The following EPB41L5 variants were observed in gnomAD, a reference collection of about 807,000 sequenced individuals.
EPB41L5 encodes the protein erythrocyte membrane protein band 4.1 like 5, also known as band 4.1-like protein 5.
Under a neutral mutation model 106.6 loss-of-function variants are expected in EPB41L5, and 55 were observed. That is an observed-to-expected ratio of 0.52 (90% CI 0.42 to 0.65). The LOEUF (loss-of-function observed/expected upper bound fraction) is 0.65. EPB41L5 is among the 30% of genes least tolerant of loss of function. EPB41L5 has a pLI of 0.00. For missense variants in EPB41L5, 871 were observed against 882.1 expected (o/e 0.99, Z 0.16); for synonymous variants, 297 against 306.7 (o/e 0.97, Z 0.33).
chr2:120,137,745 T>A (rs1246889798), intron 18 of EPB41L5, among the ~76,000 whole-genome samples: 2 of 152,088 alleles, frequency 1.3e-5, no homozygotes, highest in Non-Finnish European at 1.5e-5. Flanking sequence ...CAGGACCTGA[T>A]GGCTTCACTG....
intron 2 of EPB41L5, among the ~76,000 whole-genome samples, chr2:120,033,805 C>T (rs1678874243): frequency 6.6e-6 from 1 of 151,524 alleles, no homozygotes; most frequent in African/African-American, 2.4e-5. Flanking sequence ...ATAGATTGTG[C>T]ATTGTTGCCC....
At chr2:120,067,039 C>T (rs114353587) in intron 3 of EPB41L5, among the ~76,000 whole-genome samples, 5,579 of 152,166 alleles carry the variant, frequency 0.037, 193 homozygotes, top group South Asian at 0.07. Context: ...TGTTCCTATT[C>T]GGCCATCTTG....
At position 120,140,036 on chromosome 2, in the gene EPB41L5, A is replaced by G. The variant is rs1249671554; in HGVS notation, c.1600-2967A>G. 2.0e-5 allele frequency among the ~76,000 whole-genome samples: 3 copies of G among 152,046 alleles called. No individual in the cohort carries two copies. The East Asian group carries it at 5.8e-4, about 29-fold the overall frequency. On this transcript the variant is annotated intron_variant, in intron 18 of 24. Transcript: ENST00000263713. Reference sequence around the variant, plus strand: ...GCAACAACATGGATGGAACTGGAGGACACTATATTAAGAGAAGCCAGGCAC... The same window carrying G: ...GCAACAACATGGATGGAACTGGAGGGCACTATATTAAGAGAAGCCAGGCAC...
At chr2:120,115,580 C>CGGGGTTTCACCAT (rs1462835979) in intron 16 of EPB41L5, among the ~76,000 whole-genome samples, 2 of 151,596 alleles carry the variant, frequency 1.3e-5, no homozygotes, top group Non-Finnish European at 2.9e-5. Context: ...TTAGTAGAGA[C>CGGGGTTTCACCAT]GGGGTTTCAC....
chr2:120,158,287 A>G (rs1399087956), intron 20 of EPB41L5, among the ~76,000 whole-genome samples: 1 of 152,214 alleles, frequency 6.6e-6, no homozygotes, highest in Admixed American at 6.5e-5. Context: ...TGGCAATGAC[A>G]CAACAAAGAA....
intron 18 of EPB41L5, among the ~76,000 whole-genome samples, chr2:120,136,810 C>T (rs551285641): frequency 1.1e-4 from 16 of 152,046 alleles, no homozygotes; most frequent in Admixed American, 9.8e-4. Context: ...GGAGAATTCA[C>T]CCCACATTCA....
At chr2:120,089,642 G>A (rs1414750756) in intron 11 of EPB41L5, among the ~76,000 whole-genome samples, 1 of 151,694 alleles carries the variant, frequency 6.6e-6, no homozygotes. Flanking sequence ...GGACGTTTAG[G>A]GTTTGTACCA....
intron 20 of EPB41L5, among the ~76,000 whole-genome samples, chr2:120,147,211 A>C (rs1288011863): frequency 6.6e-6 from 1 of 152,194 alleles, no homozygotes; most frequent in East Asian, 1.9e-4. Flanking sequence ...TTAGCCGAGC[A>C]TGGTGATCCA....
In EPB41L5 at chr2:120,090,515, A is replaced by T. The variant is rs1558866077; in HGVS notation, c.1042A>T (p.Ser348Cys). 7 of 1,607,056 alleles carry T rather than the reference A, an allele frequency of 4.4e-6. No individual in the cohort carries two copies. The highest frequency in any genetic ancestry group is 5.1e-6 in the Non-Finnish European group (6 of 1,177,640). ...TCGACTAGGATCACGATTTAGATAT[A>T]GGTTAATTTTAATTGCTGTTTTATC... Reference protein sequence around the residue: ...FIRLGSRFRYSGKTEYQTTKT... With the variant: ...FIRLGSRFRYCGKTEYQTTKT... The change falls in exon 12 of 25, where the codon AGT becomes TGT. Residue 348 changes from serine (S) to cysteine (C), a missense_variant and splice_region_variant. By Grantham distance (112) the Ser-to-Cys change is moderately radical. Coordinates refer to ENST00000263713, the MANE Select transcript of EPB41L5 (RefSeq NM_020909.4).
chr2:120,127,032 A>G (rs1224035848), intron 16 of EPB41L5, among the ~76,000 whole-genome samples: 1 of 152,216 alleles, frequency 6.6e-6, no homozygotes, highest in African/African-American at 2.4e-5. Flanking sequence ...AATTGTCTAC[A>G]TCAATTTCCT....
In EPB41L5 at chr2:120,064,754, T is replaced by C. The variant is rs916092753; in HGVS notation, c.286-8424T>C. Among the ~76,000 whole-genome samples the C allele has an allele frequency of 5.9e-5, 9 of 152,208 alleles. 1 individual carries two copies. The highest frequency in any genetic ancestry group is 2.2e-4 in the African/African-American group (9 of 41,458). On this transcript the variant is annotated intron_variant, in intron 3 of 24. Transcript: ENST00000263713. Reference sequence around the variant, plus strand: ...GTAATCTATATCTGTGTGCTTTCACTTTTATCTTCTAGTGTAATATAAACT... The same window carrying C: ...GTAATCTATATCTGTGTGCTTTCACCTTTATCTTCTAGTGTAATATAAACT...
At chr2:120,048,117 A>G (rs1437182056) in intron 3 of EPB41L5, among the ~76,000 whole-genome samples, 3 of 828 alleles carry the variant, frequency 3.6e-3, no homozygotes, top group Non-Finnish European at 0.011. Flanking sequence ...TTGGTCTAAA[A>G]TTCTTTTTTT....
At position 120,113,947 on chromosome 2, in the gene EPB41L5, T is replaced by C. The variant is rs1256080287; in HGVS notation, c.1337+13133T>C. On this transcript the variant is annotated intron_variant, in intron 16 of 24. Transcript: ENST00000263713. ...AATTTCTGCTTTTTGTGAATGATGCTATGAACATTGAGGTGTAGGTTTTGT... is the reference window on the plus strand; with the variant it reads ...AATTTCTGCTTTTTGTGAATGATGCCATGAACATTGAGGTGTAGGTTTTGT... Among the ~76,000 whole-genome samples, 6 of 152,336 alleles carry C rather than the reference T, an allele frequency of 3.9e-5. No individual in the cohort carries two copies. The East Asian group carries it at 9.6e-4, about 24-fold the overall frequency.
intron 21 of EPB41L5, 64 bp from the exon 22 acceptor site, chr2:120,164,772 G>GA: frequency 8.5e-7 from 1 of 1,181,886 alleles, no homozygotes; most frequent in East Asian, 2.4e-5. Context: ...AGAGGATATG[G>GA]AAAAAACTTA....
At chr2:120,158,882 T>C (rs1015745086) in intron 20 of EPB41L5, among the ~76,000 whole-genome samples, 1 of 152,162 alleles carries the variant, frequency 6.6e-6, no homozygotes, top group African/African-American at 2.4e-5. Context: ...ATAAACAACT[T>C]CAGCAAAGTC....
intron 4 of EPB41L5, 77 bp downstream of exon 4, chr2:120,073,297 A>G: frequency 8.1e-7 from 1 of 1,232,968 alleles, no homozygotes; most frequent in Non-Finnish European, 1.2e-6. Flanking sequence ...AATAGGATGT[A>G]AGAAATCATG....
chr2:120,174,965 T>A lies in EPB41L5; in HGVS notation c.*58T>A. 6.6e-7 allele frequency: 1 copy of A among 1,508,934 alleles called. No individual in the cohort carries two copies. Among genetic ancestry groups the A allele is most frequent in the Non-Finnish European group, 9.2e-7 (1 of 1,083,996 alleles). The allele number at this position is 1,508,934 out of a possible 1,614,324, so 93.5% of individuals were successfully genotyped here. ...ATTCCGTCCTGGGATCCGTTTCAGC[T>A]AGAATATGTTGGATTCAGGAGCTTG... is the stretch of plus-strand genomic sequence containing the variant. On this transcript the variant is annotated 3_prime_UTR_variant, in exon 25 of 25. Transcript: ENST00000263713.
At position 120,167,979 on chromosome 2, in the gene EPB41L5, G is replaced by T; in HGVS notation, c.2107G>T (p.Ala703Ser). The change falls in exon 24 of 25, where the codon GCG becomes TCG. Residue 703 changes from alanine (A) to serine (S), a missense_variant. Transcript: ENST00000263713. ...KDGISLISPP[A>S]PFLVDAVTSS... ...TGGAATCTCACTGATCTCTCCCCCAGCGCCATTCTTGGTAGATGCTGTGAC... is the reference window on the plus strand; with the variant it reads ...TGGAATCTCACTGATCTCTCCCCCATCGCCATTCTTGGTAGATGCTGTGAC... 3 of 1,614,126 alleles carry T rather than the reference G, an allele frequency of 1.9e-6. No individual in the cohort carries two copies. The highest frequency in any genetic ancestry group is 2.5e-6 in the Non-Finnish European group (3 of 1,179,998).
chr2:120,075,651 A>G, intron 6 of EPB41L5, 50 bp from the exon 7 acceptor site: 2 of 1,504,034 alleles, frequency 1.3e-6, no homozygotes, highest in Admixed American at 1.7e-5. Flanking sequence ...TTGTCTTAAA[A>G]TGAAGGTTAT....
Sources: gnomAD v4.1 joint callset for allele counts (sites outside exome capture counted in the v4.1 genomes callset) on GRCh38, gnomAD v4.1.1 for gene constraint, MANE v1.5 for transcripts, NCBI Gene and HGNC (gene_info 2026-07-23, HGNC 2026-07-21) for gene names.